Variants in OSBPL11 observed in about 807,000 individuals in gnomAD.
The protein encoded by OSBPL11 is oxysterol-binding protein-related protein 11.
A neutral mutation model predicts 84.4 loss-of-function variants in OSBPL11; 33 were observed. The ratio of observed to expected loss-of-function variants is 0.39; its 90% confidence interval spans 0.30 to 0.52. The LOEUF (loss-of-function observed/expected upper bound fraction) is 0.52. Among genes scored for constraint, OSBPL11 ranks in the 20% least tolerant of loss-of-function variants. The pLI is 0.72. For synonymous variants in OSBPL11, 276 were observed against 310.2 expected, an observed-to-expected ratio of 0.89 and a Z score of 1.16; for missense variants, 736 against 901.1, an observed-to-expected ratio of 0.82 and a Z score of 2.35.
At chr3:125,574,447 C>T (rs915883912) in intron 5 of OSBPL11, among the ~76,000 whole-genome samples, 7 of 151,042 alleles carry the variant, frequency 4.6e-5, no homozygotes, top group Non-Finnish European at 4.4e-5. Context: ...AGAGAAAAAG[C>T]ACTTCTGTGA....
At position 125,594,837 on chromosome 3, in the gene OSBPL11, A is replaced by C; in HGVS notation, c.-37T>G. 2 of 1,603,556 alleles carry C rather than the reference A, an allele frequency of 1.2e-6. No individual in the cohort carries two copies. The highest frequency in any genetic ancestry group is 1.7e-6 in the Non-Finnish European group (2 of 1,174,024). ...AGTCCACTTGCCCTTCTTGAGCGGGAGAGAACAATTCTGTAGTTCTGTAGG... is the reference window on the plus strand; with the variant it reads ...AGTCCACTTGCCCTTCTTGAGCGGGCGAGAACAATTCTGTAGTTCTGTAGG... On this transcript the variant is annotated 5_prime_UTR_variant, in exon 1 of 13. Transcript: ENST00000296220.
At chr3:125,530,863 T>C (rs2294051) in intron 12 of OSBPL11, among the ~76,000 whole-genome samples, 10,160 of 152,268 alleles carry the variant, frequency 0.067, 458 homozygotes, top group Non-Finnish European at 0.098. Flanking sequence ...GCCAAGATGC[T>C]ACAGATTGAG....
chr3:125,552,438 C>A lies in OSBPL11; in HGVS notation c.1397G>T (p.Ser466Ile). ...GCTAAAAACACTGGATGCTACCTCG[C>A]TTTTTGGCATCTTCCAGGAACAGTG... ...TFHCSWKMPK[S>I]EVASSVFSSS... The change falls in exon 9 of 13, where the codon AGC becomes ATC. Residue 466 changes from serine to isoleucine, a missense_variant. Physicochemically the swap from Ser to Ile is moderately radical, Grantham distance 142. Around this residue, in one of 3 missense-constraint regions of OSBPL11, gnomAD observed 579 missense variants for 717.6 expected, o/e 0.81. Transcript: ENST00000296220. 6.2e-7 allele frequency: 1 copy of A among 1,614,178 alleles called. No homozygotes were observed. Among genetic ancestry groups the A allele is most frequent in the South Asian group, 1.1e-5 (1 of 91,084 alleles).
At chr3:125,549,971 GT>G (rs965965381) in intron 9 of OSBPL11, among the ~76,000 whole-genome samples, 3 of 151,728 alleles carry the variant, frequency 2.0e-5, no homozygotes, top group African/African-American at 4.8e-5. Flanking sequence ...CTAGACTTCA[GT>G]TTTTTTTCAC....
intron 10 of OSBPL11, among the ~76,000 whole-genome samples, chr3:125,544,221 A>AT (rs1935777580): frequency 6.6e-6 from 1 of 151,800 alleles, no homozygotes; most frequent in Non-Finnish European, 1.5e-5. Context: ...ACGCCCAGCT[A>AT]TTTTTTGTAT....
At chr3:125,579,067 ATATT>A in intron 3 of OSBPL11, 28 bp from the exon 4 acceptor site, 1 of 1,453,526 alleles carries the variant, frequency 6.9e-7, no homozygotes, top group Non-Finnish European at 9.4e-7. Flanking sequence ...AAATTATTTT[ATATT>A]TATTTATTCT....
intron 1 of OSBPL11, among the ~76,000 whole-genome samples, chr3:125,587,968 T>C (rs973704929): frequency 6.6e-6 from 1 of 152,130 alleles, no homozygotes; most frequent in South Asian, 2.1e-4. Context: ...ATGCCTATAA[T>C]CCCAGCACTT....
intron 5 of OSBPL11, 53 bp from the exon 6 acceptor site, chr3:125,567,648 A>G: frequency 1.4e-6 from 2 of 1,421,960 alleles, no homozygotes; most frequent in Non-Finnish European, 2.0e-6. Flanking sequence ...TAAAACATGT[A>G]TACATACAGT....
chr3:125,560,305 G>A, intron 8 of OSBPL11, 74 bp downstream of exon 8: 1 of 1,239,854 alleles, frequency 8.1e-7, no homozygotes, highest in Non-Finnish European at 1.1e-6. Flanking sequence ...TAAATAAAAA[G>A]TCCTGACATA....
chr3:125,559,689 G>A (rs1338260175), intron 8 of OSBPL11, among the ~76,000 whole-genome samples: 2 of 152,152 alleles, frequency 1.3e-5, no homozygotes, highest in Non-Finnish European at 2.9e-5. Flanking sequence ...TTGAACTCCT[G>A]ACCTAAAGTG....
chr3:125,580,627 G>A (rs1004648926), intron 2 of OSBPL11, among the ~76,000 whole-genome samples: 7 of 151,658 alleles, frequency 4.6e-5, no homozygotes, highest in Non-Finnish European at 1.0e-4. Context: ...ATGCACAAAA[G>A]GAAGCAAAGA....
rs920408344 is a variant in OSBPL11, at chr3:125,529,654, A to G, written c.*861T>C. ...AAAGAAGGAAAAAAGTAACAGTTTT[A>G]TTTTTTAATATTTGCTATTTTCTTT... On this transcript the variant is annotated 3_prime_UTR_variant, in exon 13 of 13. Transcript: ENST00000296220. 6.6e-6 allele frequency: 1 copy of G among 152,556 alleles called. No individual in the cohort carries two copies. Among genetic ancestry groups the G allele is most frequent in the Non-Finnish European group, 1.5e-5 (1 of 67,990 alleles). 9.5% of individuals were successfully genotyped at this position (152,556 alleles called of 1,614,324 possible).
chr3:125,569,815 C>T (rs980948701), intron 5 of OSBPL11, among the ~76,000 whole-genome samples: 20 of 152,304 alleles, frequency 1.3e-4, no homozygotes, highest in Middle Eastern at 3.4e-3. Context: ...AGCAGCCATA[C>T]CCGAAGGAGT....
At chr3:125,567,372 C>T in intron 6 of OSBPL11, 22 bp downstream of exon 6, 1 of 1,586,264 alleles carries the variant, frequency 6.3e-7, no homozygotes. Context: ...TTGTGAAGCC[C>T]TACCTTTAAT....
intron 1 of OSBPL11, among the ~76,000 whole-genome samples, chr3:125,593,486 GGC>G (rs1936632504): frequency 6.6e-6 from 1 of 151,942 alleles, no homozygotes; most frequent in Non-Finnish European, 1.5e-5. Flanking sequence ...CAGGTGTGGT[GGC>G]GCACGCCTGT....
chr3:125,572,865 T>A (rs1936262754), intron 5 of OSBPL11, among the ~76,000 whole-genome samples: 1 of 146,154 alleles, frequency 6.8e-6, no homozygotes, highest in African/African-American at 2.5e-5. Flanking sequence ...ATTTATATAT[T>A]TATATATATA....
chr3:125,557,544 G>A (rs1164930137), intron 8 of OSBPL11, among the ~76,000 whole-genome samples: 1 of 151,932 alleles, frequency 6.6e-6, no homozygotes, highest in Non-Finnish European at 1.5e-5. Context: ...ACCATGCTCG[G>A]CTAATTTGTT....
chr3:125,569,412 G>C (rs989730675), intron 5 of OSBPL11, among the ~76,000 whole-genome samples: 7 of 152,168 alleles, frequency 4.6e-5, no homozygotes, highest in African/African-American at 1.4e-4. Flanking sequence ...ATAAGAGGAT[G>C]AACTGTATGT....
chr3:125,579,592 CTA>C (rs1336642770), intron 3 of OSBPL11, among the ~76,000 whole-genome samples: 1 of 152,134 alleles, frequency 6.6e-6, no homozygotes, highest in African/African-American at 2.4e-5. Context: ...CATTTAAAGT[CTA>C]TGTTTCTAGA....
Sources: gnomAD v4.1 joint callset for allele counts (sites outside exome capture counted in the v4.1 genomes callset) on GRCh38, gnomAD v4.1.1 for gene constraint, gnomAD v4.1.1 regional missense constraint, MANE v1.5 for transcripts, NCBI Gene and HGNC (gene_info 2026-07-23, HGNC 2026-07-21) for gene names.